Variants in LRTM2 observed in about 807,000 individuals in gnomAD.
LRTM2 encodes the protein leucine rich repeat transmembrane protein 2.
Under a neutral mutation model 28.1 loss-of-function variants are expected in LRTM2, and 18 were observed. That is an observed-to-expected ratio of 0.64 (90% CI 0.44 to 0.95). The LOEUF is 0.95. Among genes scored for constraint, LRTM2 ranks in the 40% least tolerant of loss-of-function variants. The probability of loss-of-function intolerance (pLI) is 0.00; values close to 1 mark genes in which losing one functional copy is unlikely to be tolerated. For missense variants in LRTM2, 436 were observed against 497.2 expected (o/e 0.88, Z 1.17); for synonymous variants, 250 against 218.7 (o/e 1.14, Z -1.26).
rs1042319328 is a variant in LRTM2 at position 1,820,677 on chromosome 12, G to A, written c.-396G>A. On this transcript the variant is annotated 5_prime_UTR_variant, in exon 1 of 5. Transcript: ENST00000299194. The surrounding 1 kb of genome is among the most constrained non-coding windows in gnomAD (Gnocchi z 6.0). ...CTGCGTGCCAGCCGCTGCTCCCGCT[G>A]AGTGGAGACTCTGGCACCAGTGCCC... is the stretch of plus-strand genomic sequence containing the variant. 16 of 152,398 alleles carry A rather than the reference G, an allele frequency of 1.0e-4. No individual in the cohort carries two copies. The highest frequency in any genetic ancestry group is 3.9e-4 in the African/African-American group (16 of 41,468). The allele number at this position is 152,398 out of a possible 1,614,324, so 9.4% of individuals were successfully genotyped here.
At position 1,833,495 on chromosome 12, in the gene LRTM2, C is replaced by T. The variant is rs558639579; in HGVS notation, c.659-772C>T. On this transcript the variant is annotated intron_variant, in intron 4 of 4. Coordinates refer to ENST00000299194, the MANE Select transcript of LRTM2 (RefSeq NM_001039029.3). This position sits in a 1 kb window ranked among gnomAD's most constrained non-coding sequence, Gnocchi z 4.2. ...ATGAAGACATCCTGGCGAGCCCGTG[C>T]GCCCAGGTACCCACACCTCCTCATC... 2.0e-5 allele frequency among the ~76,000 whole-genome samples: 3 copies of T among 152,292 alleles called. No homozygotes were observed. The highest frequency in any genetic ancestry group is 1.9e-4 in the East Asian group (1 of 5,182).
chr12:1,828,522 T>G lies in LRTM2; in HGVS notation c.67+307T>G, dbSNP rs886945. 0.69 allele frequency among the ~76,000 whole-genome samples: 104,697 copies of G among 152,134 alleles called. 38,285 individuals are homozygous for G. Among genetic ancestry groups the G allele is most frequent in the East Asian group, 0.91 (4,693 of 5,170 alleles). On this transcript the variant is annotated intron_variant, in intron 3 of 4. Coordinates refer to ENST00000299194, the MANE Select transcript of LRTM2 (RefSeq NM_001039029.3). The surrounding 1 kb of genome is among the most constrained non-coding windows in gnomAD (Gnocchi z 4.2). The stretch of plus-strand genomic sequence containing the variant: ...CTGGGGTCCCCAACAGGAGAAGAGC[T>G]CTGCTGGAATGCAGGCCTGCTGAGT...
intron 1 of LRTM2, among the ~76,000 whole-genome samples, chr12:1,822,546 G>T (rs886852192): frequency 1.3e-5 from 2 of 152,200 alleles, no homozygotes; most frequent in African/African-American, 4.8e-5. Context: ...CAGCTCCCAT[G>T]AGGGGCCACT....
Position 1,828,252 on chromosome 12 carries a change from TGG to T in LRTM2, c.67+39_67+40del. The T allele has an allele frequency of 6.7e-7, 1 of 1,492,236 alleles. No individual in the cohort carries two copies. The highest frequency in any genetic ancestry group is 9.0e-7 in the Non-Finnish European group (1 of 1,106,960). The allele number at this position is 1,492,236 out of a possible 1,614,324, so 92.4% of individuals were successfully genotyped here. ...CCTGGCCTCGGAGGGGGGTGCGGGTTGGGTGGGGGTGCCGAGGTGACTGTAGG... is the reference window on the plus strand; with the variant it reads ...CCTGGCCTCGGAGGGGGGTGCGGGTTGTGGGGGTGCCGAGGTGACTGTAGG... On this transcript the variant is annotated intron_variant, in intron 3 of 4. Transcript: ENST00000299194. This position sits in a 1 kb window ranked among gnomAD's most constrained non-coding sequence, Gnocchi z 4.2.
chr12:1,821,279 G>A (rs1160957353), intron 1 of LRTM2, among the ~76,000 whole-genome samples: 1 of 152,218 alleles, frequency 6.6e-6, no homozygotes, highest in East Asian at 1.9e-4. Flanking sequence ...GGTGGAGGGT[G>A]GCAGGGAGGA....
chr12:1,834,434 C>G lies in LRTM2; in HGVS notation c.826C>G (p.Pro276Ala). The change falls in exon 5 of 5, where the codon CCT becomes GCT. Residue 276 changes from proline to alanine, a missense_variant. Physicochemically the swap from Pro to Ala is conservative, Grantham distance 27. Transcript: ENST00000299194. The surrounding 1 kb of genome is among the most constrained non-coding windows in gnomAD (Gnocchi z 7.6). ...GPPCTKASPE[P>A]AKPKPGAEPE... The stretch of plus-strand genomic sequence containing the variant: ...ACCCTGCACCAAGGCCAGTCCAGAG[C>G]CTGCTAAGCCCAAGCCCGGGGCTGA... 1 of 1,612,624 alleles carries G rather than the reference C, an allele frequency of 6.2e-7. No individual in the cohort carries two copies. Among genetic ancestry groups the G allele is most frequent in the Non-Finnish European group, 8.5e-7 (1 of 1,179,952 alleles).
rs1015309262 is a variant in LRTM2 at position 1,833,569 on chromosome 12, C to T, written c.659-698C>T. ...CTCGTGTGCCTCCAGGATTCCCCCTCCAGATGCCTTTGTACTTACAGGGCT... is the reference window on the plus strand; with the variant it reads ...CTCGTGTGCCTCCAGGATTCCCCCTTCAGATGCCTTTGTACTTACAGGGCT... On this transcript the variant is annotated intron_variant, in intron 4 of 4. Transcript: ENST00000299194. This position sits in a 1 kb window ranked among gnomAD's most constrained non-coding sequence, Gnocchi z 4.2. Among the ~76,000 whole-genome samples, 7 of 152,186 alleles carry T rather than the reference C, an allele frequency of 4.6e-5. No individual in the cohort carries two copies. Among genetic ancestry groups the T allele is most frequent in the Non-Finnish European group, 7.3e-5 (5 of 68,048 alleles).
chr12:1,825,548 C>T (rs566150460), intron 1 of LRTM2, among the ~76,000 whole-genome samples: 1 of 152,338 alleles, frequency 6.6e-6, no homozygotes, highest in Admixed American at 6.5e-5. Context: ...CACTCAGCTG[C>T]CTGAGTGTTG....
Position 1,828,399 on chromosome 12 carries a change from T to C in LRTM2, c.67+184T>C, listed in dbSNP as rs554526898. 6.6e-6 allele frequency among the ~76,000 whole-genome samples: 1 copy of C among 152,342 alleles called. No homozygotes were observed. The highest frequency in any genetic ancestry group is 1.9e-4 in the East Asian group (1 of 5,182). On this transcript the variant is annotated intron_variant, in intron 3 of 4. Coordinates refer to ENST00000299194, the MANE Select transcript of LRTM2 (RefSeq NM_001039029.3). The surrounding 1 kb of genome is among the most constrained non-coding windows in gnomAD (Gnocchi z 4.2). ...GTCACGCCCACGGTGACAGCATCCC[T>C]GCCAGTCAGAGTCACCGCTGAGTGC...
At chr12:1,822,635 G>A (rs1864152796) in intron 1 of LRTM2, among the ~76,000 whole-genome samples, 1 of 152,254 alleles carries the variant, frequency 6.6e-6, no homozygotes, top group South Asian at 2.1e-4. Context: ...GGGTGCAGGA[G>A]GCTGGGGGTG....
chr12:1,829,711 C>T lies in LRTM2; in HGVS notation c.68-1224C>T, dbSNP rs1864531293. Among the ~76,000 whole-genome samples the T allele has an allele frequency of 1.3e-5, 2 of 149,138 alleles. No individual in the cohort carries two copies. The highest frequency in any genetic ancestry group is 3.0e-5 in the Non-Finnish European group (2 of 67,146). ...CCCATCGGCCCACCCCGACCTGGGA[C>T]AGCCAGGTCCCAGGTCCCATGTCAG... is the stretch of plus-strand genomic sequence containing the variant. On this transcript the variant is annotated intron_variant, in intron 3 of 4. Transcript: ENST00000299194. The surrounding 1 kb of genome is among the most constrained non-coding windows in gnomAD (Gnocchi z 4.2).
chr12:1,830,829 G>A, intron 3 of LRTM2, 106 bp from the exon 4 acceptor site: 2 of 913,806 alleles, frequency 2.2e-6, no homozygotes, highest in Non-Finnish European at 3.2e-6. Context: ...TTGTGCCAAA[G>A]GAGATAAAGC....
chr12:1,834,614 GCCT>G lies in LRTM2; in HGVS notation c.1009_1011del (p.Ser337del), dbSNP rs1864773859. The stretch of plus-strand genomic sequence containing the variant: ...GGCCGCTGCCTATGGCTGCATCTAC[GCCT>G]CCCTCATGGCCAAGTACCACCGGGA... On this transcript the variant is annotated inframe_deletion, in exon 5 of 5. Transcript: ENST00000299194. The surrounding 1 kb of genome is among the most constrained non-coding windows in gnomAD (Gnocchi z 7.6). 6.3e-7 allele frequency: 1 copy of G among 1,599,862 alleles called. No individual in the cohort carries two copies. Among genetic ancestry groups the G allele is most frequent in the Non-Finnish European group, 8.5e-7 (1 of 1,179,908 alleles).
intron 1 of LRTM2, among the ~76,000 whole-genome samples, chr12:1,823,665 G>A (rs567041878): frequency 1.5e-4 from 22 of 151,648 alleles, no homozygotes; most frequent in Admixed American, 2.6e-4. Context: ...CCCACCTTCC[G>A]TAAGATCTTG....
chr12:1,828,314 G>T lies in LRTM2; in HGVS notation c.67+99G>T, dbSNP rs1328221355. The stretch of plus-strand genomic sequence containing the variant: ...ATGGGACCTTAGCCACACTCAGGCT[G>T]CAGGGAGGCCTACGCCAGATCTTCC... On this transcript the variant is annotated intron_variant, in intron 3 of 4. Coordinates refer to ENST00000299194, the MANE Select transcript of LRTM2 (RefSeq NM_001039029.3). The surrounding 1 kb of genome is among the most constrained non-coding windows in gnomAD (Gnocchi z 4.2). 5.5e-6 allele frequency: 6 copies of T among 1,084,070 alleles called. No individual in the cohort carries two copies. The highest frequency in any genetic ancestry group is 2.9e-5 in the East Asian group (1 of 34,538). 67.2% of individuals were successfully genotyped at this position (1,084,070 alleles called of 1,614,324 possible). A position where few individuals can be genotyped will look rare whatever the true frequency, so the allele number is the denominator to read the frequency against.
chr12:1,822,886 C>T (rs796971284), intron 1 of LRTM2, among the ~76,000 whole-genome samples: 1 of 152,270 alleles, frequency 6.6e-6, no homozygotes, highest in African/African-American at 2.4e-5. Flanking sequence ...GTCTTTGGCC[C>T]GGGGCTCTGG....
rs981822398 is a variant in LRTM2 at position 1,829,996 on chromosome 12, G to A, written c.68-939G>A. On this transcript the variant is annotated intron_variant, in intron 3 of 4. Transcript: ENST00000299194. This position sits in a 1 kb window ranked among gnomAD's most constrained non-coding sequence, Gnocchi z 4.2. ...GCTCTGATGTGATTGTTCCCTGAGGGTTACTTCTCCCAGCCCTACAGACAG... is the reference window on the plus strand; with the variant it reads ...GCTCTGATGTGATTGTTCCCTGAGGATTACTTCTCCCAGCCCTACAGACAG... 6.6e-6 allele frequency among the ~76,000 whole-genome samples: 1 copy of A among 152,192 alleles called. No individual in the cohort carries two copies. Among genetic ancestry groups the A allele is most frequent in the African/African-American group, 2.4e-5 (1 of 41,444 alleles).
chr12:1,828,032 G>T lies in LRTM2; in HGVS notation c.-73-44G>T. The T allele has an allele frequency of 1.1e-6, 1 of 935,702 alleles. No individual in the cohort carries two copies. The highest frequency in any genetic ancestry group is 1.5e-6 in the Non-Finnish European group (1 of 666,344). 58.0% of individuals were successfully genotyped at this position (935,702 alleles called of 1,614,324 possible). On this transcript the variant is annotated intron_variant, in intron 2 of 4. Transcript: ENST00000299194. The surrounding 1 kb of genome is among the most constrained non-coding windows in gnomAD (Gnocchi z 4.2). ...TCTCCCTAACCCCTGGGCTGGAACG[G>T]GGCTCCCGCGCCTGCCTGTGCTCAG...
chr12:1,828,257 G>A lies in LRTM2; in HGVS notation c.67+42G>A, dbSNP rs752034774. On this transcript the variant is annotated intron_variant, in intron 3 of 4. Coordinates refer to ENST00000299194, the MANE Select transcript of LRTM2 (RefSeq NM_001039029.3). The surrounding 1 kb of genome is among the most constrained non-coding windows in gnomAD (Gnocchi z 4.2). ...CCTCGGAGGGGGGTGCGGGTTGGGT[G>A]GGGGTGCCGAGGTGACTGTAGGTAG... The A allele has an allele frequency of 2.1e-5, 31 of 1,504,242 alleles. 1 individual carries two copies. The highest frequency in any genetic ancestry group is 6.3e-5 in the South Asian group (5 of 79,190). The allele number at this position is 1,504,242 out of a possible 1,614,324, so 93.2% of individuals were successfully genotyped here. A position where few individuals can be genotyped will look rare whatever the true frequency, so the allele number is the denominator to read the frequency against.
Sources: gnomAD v4.1 joint callset for allele counts (sites outside exome capture counted in the v4.1 genomes callset) on GRCh38, gnomAD v4.1.1 for gene constraint, Gnocchi (gnomAD v3.1) non-coding constraint, MANE v1.5 for transcripts, NCBI Gene and HGNC (gene_info 2026-07-23, HGNC 2026-07-21) for gene names.